Variants in ADAMTS5 observed in about 807,000 individuals in gnomAD.
ADAMTS5 encodes ADAM metallopeptidase with thrombospondin type 1 motif 5.
Under a neutral mutation model 81.4 loss-of-function variants are expected in ADAMTS5, and 54 were observed. The ratio of observed to expected loss-of-function variants is 0.66; its 90% CI spans 0.53 to 0.83. The LOEUF is 0.83. Ranked by LOEUF, ADAMTS5 falls within the 40% of genes least tolerant of loss-of-function variation. The pLI, the probability that ADAMTS5 is intolerant of heterozygous loss-of-function variation, is 0.00. For missense variants in ADAMTS5, 1,194 were observed against 1,229.9 expected, an observed-to-expected ratio of 0.97 and a Z score of 0.44; for synonymous variants, 532 against 508.8, an observed-to-expected ratio of 1.05 and a Z score of -0.61.
intron 3 of ADAMTS5, among the ~76,000 whole-genome samples, 154 bp from the exon 4 acceptor site, chr21:26,934,903 A>C (rs1347312507): frequency 6.6e-6 from 1 of 152,168 alleles, no homozygotes. Context: ...CCATGGGGAC[A>C]AGGCTGGGAG....
chr21:26,957,873 T>A (rs1601019142), intron 1 of ADAMTS5, among the ~76,000 whole-genome samples: 1 of 152,168 alleles, frequency 6.6e-6, no homozygotes, highest in South Asian at 2.1e-4. Context: ...ATTCACCAGG[T>A]ATGACCTTTT....
rs1313381817 is a variant in ADAMTS5 at position 26,965,807 on chromosome 21, G to A, written c.585C>T (p.Arg195=). Residue 195 remains arginine (R), a synonymous_variant, in exon 1 of 8, where the codon CGC becomes CGT. Transcript: ENST00000284987. ...GSARILHVYT[R]EGFSFEALPP... is the part of the protein sequence containing the mutation. Reference sequence around the variant, plus strand: ...GCAGGGCCTCGAAGCTGAAGCCCTCGCGGGTGTAGACGTGCAGGATCCGTG... The same window carrying A: ...GCAGGGCCTCGAAGCTGAAGCCCTCACGGGTGTAGACGTGCAGGATCCGTG... The A allele has an allele frequency of 6.2e-7, 1 of 1,607,750 alleles. No homozygotes were observed. The highest frequency in any genetic ancestry group is 8.5e-7 in the Non-Finnish European group (1 of 1,177,400).
intron 1 of ADAMTS5, among the ~76,000 whole-genome samples, chr21:26,959,677 T>G (rs78591220): frequency 0.02 from 2,975 of 152,284 alleles, 101 homozygotes; most frequent in African/African-American, 0.067. Flanking sequence ...AAATACACTG[T>G]GAAAGATATT....
Position 26,919,245 on chromosome 21 carries a change from A to G in ADAMTS5, c.*4808T>C, listed in dbSNP as rs78716320. ...TTTATTTGTTTTTTTTTTTTTTCCT[A>G]CAAATCACAGTTTTCCTCACAGTGT... On this transcript the variant is annotated 3_prime_UTR_variant, in exon 8 of 8. Transcript: ENST00000284987. 1.3e-5 allele frequency: 2 copies of G among 149,624 alleles called. No individual in the cohort carries two copies. 9.3% of individuals were successfully genotyped at this position (149,624 alleles called of 1,614,324 possible).
chr21:26,936,277 TC>T (rs1987012228), intron 3 of ADAMTS5, among the ~76,000 whole-genome samples: 1 of 152,188 alleles, frequency 6.6e-6, no homozygotes, highest in East Asian at 1.9e-4. Flanking sequence ...AGCTAACCTC[TC>T]CCTAATTTAT....
chr21:26,946,803 T>C (rs987262873), intron 2 of ADAMTS5, among the ~76,000 whole-genome samples: 5 of 152,042 alleles, frequency 3.3e-5, no homozygotes, highest in African/African-American at 1.2e-4. Context: ...TAGTTGAGGG[T>C]GAGGTTTTAG....
intron 2 of ADAMTS5, among the ~76,000 whole-genome samples, chr21:26,945,080 A>T (rs1869328660): frequency 6.6e-6 from 1 of 152,068 alleles, no homozygotes; most frequent in Admixed American, 6.6e-5. Context: ...TAACTTGCAA[A>T]GGAAATTAGC....
rs1332975056 is a variant in ADAMTS5, at chr21:26,932,095, A to G, written c.1958T>C (p.Val653Ala). The G allele has an allele frequency of 1.2e-5, 19 of 1,614,196 alleles. No individual in the cohort carries two copies. The highest frequency in any genetic ancestry group is 1.6e-5 in the Non-Finnish European group (19 of 1,180,020). Residue 653 changes from valine to alanine, a missense_variant, in exon 6 of 8, where the codon GTT (valine) becomes GCT (alanine). Physicochemically the swap from Val to Ala is moderately conservative, Grantham distance 64. Around this residue, in one of 2 missense-constraint regions of ADAMTS5, gnomAD observed 696 missense variants for 817.6 expected, o/e 0.85. Coordinates refer to ENST00000284987, the MANE Select transcript of ADAMTS5 (RefSeq NM_007038.5). Reference protein sequence around the residue: ...AKGVKTFVEWVPKYAGVLPAD... With the variant: ...AKGVKTFVEWAPKYAGVLPAD... Reference sequence around the variant, plus strand: ...TGGCAGGACACCTGCATATTTGGGAACCCATTCCACAAAAGTTTTGACTCC... The same window carrying G: ...TGGCAGGACACCTGCATATTTGGGAGCCCATTCCACAAAAGTTTTGACTCC...
At chr21:26,948,224 G>C (rs1987252316) in intron 2 of ADAMTS5, among the ~76,000 whole-genome samples, 1 of 152,158 alleles carries the variant, frequency 6.6e-6, no homozygotes, top group African/African-American at 2.4e-5. Context: ...AGGCATTACT[G>C]TACAACCAGG....
chr21:26,932,047 C>CTT lies in ADAMTS5; in HGVS notation c.2005_2006insAA (p.Cys669Ter). The CTT allele has an allele frequency of 6.2e-7, 1 of 1,614,066 alleles. No individual in the cohort carries two copies. Among genetic ancestry groups the CTT allele is most frequent in the East Asian group, 2.2e-5 (1 of 44,878 alleles). Residue 669 changes from cysteine to a stop codon, truncating the protein, a stop_gained and frameshift_variant, in exon 6 of 8, where the codon TGC (cysteine) becomes TAAGC (stop). Coordinates refer to ENST00000284987, the MANE Select transcript of ADAMTS5 (RefSeq NM_007038.5). LOFTEE classifies it high-confidence loss of function. ...ATAGTAGCCAGTGCCCTTGGCTCTG[C>CTT]AGGTCAGCTTGCACACATCCGCTGG... The part of the protein sequence containing the change: ...VLPADVCKLT[C>*]RAKGTGYYVV...
chr21:26,933,476 A>G (rs1055181103), intron 4 of ADAMTS5, among the ~76,000 whole-genome samples: 1 of 152,184 alleles, frequency 6.6e-6, no homozygotes, highest in Non-Finnish European at 1.5e-5. Flanking sequence ...TTGTGTTTGC[A>G]TCTCTTCAGC....
intron 1 of ADAMTS5, among the ~76,000 whole-genome samples, chr21:26,957,447 T>TGATAGATAGATAGATAGATA (rs3838079): frequency 3.3e-5 from 5 of 150,398 alleles, no homozygotes; most frequent in African/African-American, 1.2e-4. Context: ...GATGGATAGA[T>TGATAGATAGATAGATAGATA]GATAGATAGA....
rs757610481 is a variant in ADAMTS5 at position 26,932,024 on chromosome 21, A to T, written c.2029T>A (p.Tyr677Asn). Reference sequence around the variant, plus strand: ...GTTACCTTTGGAGAAAATACCACATAGTAGCCAGTGCCCTTGGCTCTGCAG... The same window carrying T: ...GTTACCTTTGGAGAAAATACCACATTGTAGCCAGTGCCCTTGGCTCTGCAG... ...LTCRAKGTGY[Y>N]VVFSPKVTDG... Residue 677 changes from tyrosine (Y) to asparagine (N), a missense_variant, in exon 6 of 8, where the codon TAT becomes AAT. Physicochemically the swap from Tyr to Asn is moderately radical, Grantham distance 143. This residue lies in a region of ADAMTS5 where 696 missense variants were observed against 817.6 expected (regional missense o/e 0.85). Transcript: ENST00000284987. 1 of 1,613,830 alleles carries T rather than the reference A, an allele frequency of 6.2e-7. No individual in the cohort carries two copies.
At chr21:26,949,827 A>C (rs1034411689) in intron 2 of ADAMTS5, among the ~76,000 whole-genome samples, 2 of 152,212 alleles carry the variant, frequency 1.3e-5, no homozygotes, top group African/African-American at 4.8e-5. Flanking sequence ...GAAAATATCA[A>C]GTTTAATCCT....
chr21:26,956,539 A>G (rs1987430919), intron 1 of ADAMTS5, among the ~76,000 whole-genome samples: 1 of 152,186 alleles, frequency 6.6e-6, no homozygotes, highest in Admixed American at 6.5e-5. Context: ...CTTTGAGATA[A>G]TAATGTAGCA....
intron 2 of ADAMTS5, among the ~76,000 whole-genome samples, chr21:26,952,710 C>CAA (rs1282671509): frequency 2.0e-5 from 3 of 152,204 alleles, no homozygotes; most frequent in African/African-American, 7.2e-5. Flanking sequence ...TGGATGACGC[C>CAA]AACATTCAGC....
At chr21:26,925,524 A>T (rs1600997680) in intron 7 of ADAMTS5, among the ~76,000 whole-genome samples, 1 of 152,340 alleles carries the variant, frequency 6.6e-6, no homozygotes, top group East Asian at 1.9e-4. Flanking sequence ...TAAACCTGTG[A>T]GGAATGCTAG....
intron 1 of ADAMTS5, among the ~76,000 whole-genome samples, chr21:26,960,751 A>G (rs1987514905): frequency 6.6e-6 from 1 of 152,200 alleles, no homozygotes; most frequent in Admixed American, 6.5e-5. Flanking sequence ...TAGCAGACAT[A>G]GTGTATAGTT....
chr21:26,966,139 C>A lies in ADAMTS5; in HGVS notation c.253G>T (p.Gly85Cys), dbSNP rs781047947. 34 of 1,611,760 alleles carry A rather than the reference C, an allele frequency of 2.1e-5. No individual in the cohort carries two copies. The South Asian group carries it at 3.6e-4, about 17-fold the overall frequency. The change falls in exon 1 of 8, where the codon GGC becomes TGC. Residue 85 changes from glycine (G) to cysteine (C), a missense_variant. Gly to Cys is a radical substitution (Grantham distance 159, BLOSUM62 -3). Around this residue, in one of 2 missense-constraint regions of ADAMTS5, gnomAD observed 498 missense variants for 412.3 expected, o/e 1.21. Transcript: ENST00000284987. ...GCGTAGACGAGGTAGCCCACCTTGC[C>A]GCCGCCGGAGTAGAGTTGGTCGATG... ...QNIDQLYSGG[G>C]KVGYLVYAGG...
Sources: allele counts gnomAD v4.1 joint callset (sites outside exome capture counted in the v4.1 genomes callset), GRCh38; gene constraint gnomAD v4.1.1; regional missense constraint gnomAD v4.1.1; transcripts MANE v1.5; gene names NCBI Gene and HGNC (gene_info 2026-07-23, HGNC 2026-07-21).